RANBP2: variants seen among roughly 807,000 people sequenced by gnomAD.
RANBP2 encodes the protein E3 SUMO-protein ligase RanBP2.
In RANBP2, 57 loss-of-function variants were observed where a neutral mutation model predicts 303.6. The ratio of observed to expected loss-of-function variants is 0.19; its 90% CI spans 0.15 to 0.23. RANBP2 has a LOEUF of 0.23. Ranked by LOEUF, RANBP2 falls within the 10% of genes least tolerant of loss-of-function variation. The probability of loss-of-function intolerance (pLI) is 1.00; values close to 1 mark genes in which losing one functional copy is unlikely to be tolerated. For synonymous variants in RANBP2, 1,167 were observed against 1,301.5 expected (o/e 0.90, Z 2.23); for missense variants, 3,138 against 3,780.8 (o/e 0.83, Z 4.46).
chr2:109,339,097 C>T, the RANBP2 span, among the ~76,000 whole-genome samples: 3 of 152,120 alleles, frequency 2.0e-5, no homozygotes, highest in Admixed American at 6.5e-5. Flanking sequence ...ATCATCTTCA[C>T]GTTGTGTGGG....
chr2:108,892,016 G>A, the RANBP2 span, among the ~76,000 whole-genome samples: 1 of 152,158 alleles, frequency 6.6e-6, no homozygotes, highest in African/African-American at 2.4e-5. Context: ...GGCTGTGCAG[G>A]TTTGTGCTCA....
chr2:108,820,699 C>CAAAAAAAAAAAAAAAAAAA, the RANBP2 span, among the ~76,000 whole-genome samples: 1 of 62,582 alleles, frequency 1.6e-5, no homozygotes, highest in African/African-American at 5.3e-5. Flanking sequence ...ATTCAAAGTG[C>CAAAAAAAAAAAAAAAAAAA]AAAAAAAAAA....
chr2:109,516,118 T>C, the RANBP2 span, among the ~76,000 whole-genome samples: 1 of 152,174 alleles, frequency 6.6e-6, no homozygotes, highest in East Asian at 1.9e-4. Flanking sequence ...CTAAGGGGCA[T>C]GGGAGCAGCC....
At chr2:109,424,887 A>G in the RANBP2 span, among the ~76,000 whole-genome samples, 1 of 152,194 alleles carries the variant, frequency 6.6e-6, no homozygotes. Flanking sequence ...AACATCTCTC[A>G]CTTTAAGTCA....
At chr2:109,015,521 G>A in the RANBP2 span, among the ~76,000 whole-genome samples, 2 of 152,170 alleles carry the variant, frequency 1.3e-5, no homozygotes, top group Non-Finnish European at 2.9e-5. Context: ...ACTTTGGGAG[G>A]CCGAGGTGGG....
chr2:108,811,521 G>A, the RANBP2 span, among the ~76,000 whole-genome samples: 1 of 152,040 alleles, frequency 6.6e-6, no homozygotes, highest in Non-Finnish European at 1.5e-5. Flanking sequence ...GGGATTACAG[G>A]TGTGAGCTAC....
chr2:109,766,119 A>G, the RANBP2 span, among the ~76,000 whole-genome samples: 1 of 150,488 alleles, frequency 6.6e-6, no homozygotes, highest in African/African-American at 2.4e-5. Flanking sequence ...CACTGGCCGA[A>G]GGTCACCGTG....
the RANBP2 span, among the ~76,000 whole-genome samples, chr2:109,528,494 G>A: frequency 5.3e-5 from 8 of 152,196 alleles, no homozygotes; most frequent in Non-Finnish European, 4.4e-5. Flanking sequence ...CAGGATGCCC[G>A]CCACAGCCAG....
At chr2:109,037,696 A>T in the RANBP2 span, among the ~76,000 whole-genome samples, 2 of 152,190 alleles carry the variant, frequency 1.3e-5, no homozygotes, top group African/African-American at 4.8e-5. Context: ...ATAACACAAT[A>T]CCATTTATGA....
the RANBP2 span, chr2:109,543,214 ATTT>A: frequency 6.6e-6 from 1 of 152,618 alleles, no homozygotes; most frequent in Non-Finnish European, 1.5e-5. Context: ...CTTAAAAAGT[ATTT>A]TTAATAAAAT....
the RANBP2 span, among the ~76,000 whole-genome samples, chr2:109,576,601 T>C: frequency 1.7e-4 from 26 of 152,224 alleles, no homozygotes; most frequent in African/African-American, 6.3e-4. Flanking sequence ...TAAGTATATA[T>C]TTCACATAAA....
chr2:109,097,350 CAAAA>C, the RANBP2 span, among the ~76,000 whole-genome samples: 1 of 150,574 alleles, frequency 6.6e-6, no homozygotes, highest in East Asian at 2.0e-4. Context: ...CAAAACAAAA[CAAAA>C]CAAAACCTCT....
At chr2:109,043,171 G>C in the RANBP2 span, among the ~76,000 whole-genome samples, 1 of 152,178 alleles carries the variant, frequency 6.6e-6, no homozygotes, top group Non-Finnish European at 1.5e-5. Flanking sequence ...ACCAGAAGGG[G>C]ATAGGGTGAG....
chr2:109,473,641 G>A, the RANBP2 span, among the ~76,000 whole-genome samples: 1 of 152,172 alleles, frequency 6.6e-6, no homozygotes, highest in Non-Finnish European at 1.5e-5. Context: ...GGGGAGGGAT[G>A]AGGGAGCATA....
At chr2:109,275,427 T>C in the RANBP2 span, among the ~76,000 whole-genome samples, 1 of 152,150 alleles carries the variant, frequency 6.6e-6, no homozygotes, top group Non-Finnish European at 1.5e-5. Context: ...CTCCATTCAG[T>C]TGGACCGACA....
chr2:109,682,010 T>C, the RANBP2 span, among the ~76,000 whole-genome samples: 189 of 152,356 alleles, frequency 1.2e-3, 1 homozygote, highest in Non-Finnish European at 1.0e-3. Context: ...GGTTGTGATC[T>C]GGTTGGTCTG....
chr2:108,765,791 G>A lies in RANBP2; in HGVS notation c.5252G>A (p.Ser1751Asn). ...ATKCIACQCP[S>N]KQNQTTAIST... ...AAATGTATTGCTTGTCAGTGTCCAA[G>A]TAAACAAAATCAAACAACTGCAATT... Residue 1751 changes from serine (S) to asparagine (N), a missense_variant, in exon 20 of 29, where the codon AGT becomes AAT. Coordinates refer to ENST00000283195, the MANE Select transcript of RANBP2 (RefSeq NM_006267.5). 1 of 1,613,366 alleles carries A rather than the reference G, an allele frequency of 6.2e-7. No homozygotes were observed. Among genetic ancestry groups the A allele is most frequent in the Non-Finnish European group, 8.5e-7 (1 of 1,179,866 alleles).
At chr2:109,450,427 C>CA in the RANBP2 span, among the ~76,000 whole-genome samples, 1 of 152,040 alleles carries the variant, frequency 6.6e-6, no homozygotes, top group South Asian at 2.1e-4. Context: ...TTAGATTAAC[C>CA]AGGATGAGAA....
the RANBP2 span, among the ~76,000 whole-genome samples, chr2:109,017,158 C>T: frequency 6.6e-6 from 1 of 152,244 alleles, no homozygotes; most frequent in African/African-American, 2.4e-5. Context: ...TCCCTTCAGT[C>T]ACACCCGGTA....
Sources: gnomAD v4.1 joint callset for allele counts (sites outside exome capture counted in the v4.1 genomes callset) on GRCh38, gnomAD v4.1.1 for gene constraint, MANE v1.5 for transcripts, NCBI Gene and HGNC (gene_info 2026-07-23, HGNC 2026-07-21) for gene names.